LRBA: variants seen among roughly 807,000 people sequenced by gnomAD.
LRBA encodes the protein LPS responsive beige-like anchor protein, also known as lipopolysaccharide-responsive and beige-like anchor protein.
In LRBA, 176 loss-of-function variants were observed where a neutral mutation model predicts 330.0. The ratio of observed to expected loss-of-function variants is 0.53; its 90% CI spans 0.47 to 0.60. LRBA has a LOEUF of 0.60. Ranked by LOEUF, LRBA falls within the 20% of genes least tolerant of loss-of-function variation. LRBA has a pLI of 0.00. For synonymous variants in LRBA, 1,230 were observed against 1,193.0 expected, an observed-to-expected ratio of 1.03 and a Z score of -0.64; for missense variants, 3,259 against 3,444.8, an observed-to-expected ratio of 0.95 and a Z score of 1.35.
chr4:150,968,844 C>T (rs1045068882), intron 2 of LRBA, among the ~76,000 whole-genome samples: 3 of 152,132 alleles, frequency 2.0e-5, no homozygotes, highest in African/African-American at 4.8e-5. Context: ...TGCCTGGTTT[C>T]AAAGCTTCAT....
chr4:151,004,261 T>A (rs1479444652), intron 2 of LRBA, among the ~76,000 whole-genome samples: 1 of 152,168 alleles, frequency 6.6e-6, no homozygotes, highest in Non-Finnish European at 1.5e-5. Flanking sequence ...GTTCTTGAAC[T>A]CCTGAACTCA....
rs746026878 is a variant in LRBA, at chr4:150,803,022, CAAAAAA to C, written c.5518+3243_5518+3248del. 5.7e-4 allele frequency among the ~76,000 whole-genome samples: 20 copies of C among 34,816 alleles called. No individual in the cohort carries two copies. In the East Asian group the frequency reaches 0.012, roughly 20 times the overall value. 22.8% of individuals were successfully genotyped at this position (34,816 alleles called of 152,430 possible). On this transcript the variant is annotated intron_variant, in intron 33 of 56. Transcript: ENST00000651943. Reference sequence around the variant, plus strand: ...GGGTGGCACGGTGAGACTCTGTCTCCAAAAAAAAAAAAAAAAAAAACTAAAAACAAA... The same window carrying C: ...GGGTGGCACGGTGAGACTCTGTCTCCAAAAAAAAAAAAAACTAAAAACAAA...
intron 35 of LRBA, among the ~76,000 whole-genome samples, chr4:150,736,634 C>T (rs1731214919): frequency 6.6e-6 from 1 of 151,938 alleles, no homozygotes; most frequent in African/African-American, 2.4e-5. Flanking sequence ...GTAAGTGTAT[C>T]TGTAGTATAA....
intron 47 of LRBA, among the ~76,000 whole-genome samples, chr4:150,374,508 C>T (rs1186367711): frequency 6.6e-6 from 1 of 152,144 alleles, no homozygotes; most frequent in African/African-American, 2.4e-5. Context: ...GCTCTCTGTA[C>T]TATTACATGA....
chr4:150,743,901 G>A (rs969517816), intron 35 of LRBA, among the ~76,000 whole-genome samples: 1 of 152,248 alleles, frequency 6.6e-6, no homozygotes. Flanking sequence ...AAAGCTTTCT[G>A]CCATTCTATC....
At chr4:150,826,524 T>C (rs1333996207) in intron 30 of LRBA, among the ~76,000 whole-genome samples, 1 of 152,176 alleles carries the variant, frequency 6.6e-6, no homozygotes, top group Non-Finnish European at 1.5e-5. Context: ...AGTCTGTTGG[T>C]TGTACAAGAA....
rs1211382664 is a variant in LRBA at position 150,794,382 on chromosome 4, TATC to T, written c.5580+3696_5580+3698del. Among the ~76,000 whole-genome samples the T allele has an allele frequency of 2.0e-5, 3 of 151,902 alleles. No individual in the cohort carries two copies. In the East Asian group the frequency reaches 5.8e-4, roughly 29 times the overall value. On this transcript the variant is annotated intron_variant, in intron 34 of 56. Transcript: ENST00000651943. The stretch of plus-strand genomic sequence containing the variant: ...TCATAACTATAGAAAAGAATATTAA[TATC>T]ATATATTCAGAAAAAATAAACTCAA...
chr4:150,512,734 A>T (rs2152139124), intron 40 of LRBA, among the ~76,000 whole-genome samples: 1 of 151,924 alleles, frequency 6.6e-6, no homozygotes, highest in African/African-American at 2.4e-5. Flanking sequence ...AAAAAAAAAA[A>T]AAAAAGATGA....
chr4:150,622,587 C>T (rs1285681068), intron 37 of LRBA, among the ~76,000 whole-genome samples: 3 of 151,478 alleles, frequency 2.0e-5, no homozygotes, highest in African/African-American at 7.3e-5. Flanking sequence ...AAATCCCAGA[C>T]ACATGGAAGA....
chr4:150,358,058 T>C (rs1378895817), intron 47 of LRBA, among the ~76,000 whole-genome samples: 1 of 152,106 alleles, frequency 6.6e-6, no homozygotes, highest in Non-Finnish European at 1.5e-5. Context: ...CTTGGCAATA[T>C]GATGGAATCC....
chr4:150,797,399 T>A (rs1349390477), intron 34 of LRBA, among the ~76,000 whole-genome samples: 1 of 151,838 alleles, frequency 6.6e-6, no homozygotes, highest in Non-Finnish European at 1.5e-5. Flanking sequence ...CACCAAGATA[T>A]CACTTTAAAA....
chr4:150,891,491 A>AT (rs932342056), intron 17 of LRBA, among the ~76,000 whole-genome samples: 62 of 152,202 alleles, frequency 4.1e-4, no homozygotes, highest in African/African-American at 1.4e-3. Context: ...AAATAAGCAG[A>AT]TTTTTTGTAT....
In LRBA at chr4:150,265,195, G is replaced by A. The variant is rs1376335250; in HGVS notation, c.*527C>T. 1 of 154,440 alleles carries A rather than the reference G, an allele frequency of 6.5e-6. No individual in the cohort carries two copies. Among genetic ancestry groups the A allele is most frequent in the Non-Finnish European group, 1.4e-5 (1 of 69,180 alleles). The allele number at this position is 154,440 out of a possible 1,614,324, so 9.6% of individuals were successfully genotyped here. ...ACATGCTTGAAGAACAATATTGATA[G>A]ACAGACTTAATTGAGATGTTTTAAA... is the stretch of plus-strand genomic sequence containing the variant. On this transcript the variant is annotated 3_prime_UTR_variant, in exon 57 of 57. Transcript: ENST00000651943.
intron 4 of LRBA, 109 bp from the exon 5 acceptor site, chr4:150,921,402 T>G: frequency 3.0e-6 from 2 of 675,808 alleles, no homozygotes; most frequent in East Asian, 5.3e-5. Context: ...TGCTATAAGG[T>G]TAAAAGCATA....
Position 150,828,259 on chromosome 4 carries a change from C to T in LRBA, c.5092G>A (p.Ala1698Thr), listed in dbSNP as rs1746569856. 2 of 1,614,156 alleles carry T rather than the reference C, an allele frequency of 1.2e-6. No individual in the cohort carries two copies. Among genetic ancestry groups the T allele is most frequent in the Non-Finnish European group, 8.5e-7 (1 of 1,179,986 alleles). The change falls in exon 30 of 57, where the codon GCC becomes ACC. Residue 1698 changes from alanine (A) to threonine (T), a missense_variant. Physicochemically the swap from Ala to Thr is moderately conservative, Grantham distance 58. Coordinates refer to ENST00000651943, the MANE Select transcript of LRBA (RefSeq NM_001364905.1). ...CCAAGGCAGGCTGGTGGCAGAAGGG[C>T]AGGATCCACTGTGACTCCATCTGCT... ...IPADGVTVDPALLPPACLGAL... is the reference protein window; with the variant it reads ...IPADGVTVDPTLLPPACLGAL...
At chr4:150,895,432 G>A (rs1442974941) in intron 16 of LRBA, among the ~76,000 whole-genome samples, 3 of 149,992 alleles carry the variant, frequency 2.0e-5, no homozygotes, top group Non-Finnish European at 4.4e-5. Flanking sequence ...ATCCCTCCCC[G>A]CTACCCCCAC....
chr4:150,462,482 A>AT (rs915633332), intron 44 of LRBA, among the ~76,000 whole-genome samples: 4 of 151,898 alleles, frequency 2.6e-5, no homozygotes, highest in South Asian at 2.1e-4. Flanking sequence ...TTAAAAAGAC[A>AT]TTTTTTACAC....
chr4:150,357,283 G>A (rs762827732), intron 47 of LRBA, among the ~76,000 whole-genome samples: 1 of 151,856 alleles, frequency 6.6e-6, no homozygotes, highest in South Asian at 2.1e-4. Flanking sequence ...TTCTGTCTAC[G>A]ATTGTTATTG....
intron 56 of LRBA, among the ~76,000 whole-genome samples, chr4:150,272,235 C>A (rs1746207096): frequency 6.6e-6 from 1 of 152,114 alleles, no homozygotes; most frequent in Admixed American, 6.5e-5. Flanking sequence ...AGCTGAGAGG[C>A]CTGTGAGAAG....
Sources: gnomAD v4.1 joint callset for allele counts (sites outside exome capture counted in the v4.1 genomes callset) on GRCh38, gnomAD v4.1.1 for gene constraint, MANE v1.5 for transcripts, NCBI Gene and HGNC (gene_info 2026-07-23, HGNC 2026-07-21) for gene names.